Variants in TPM4 observed in about 807,000 individuals in gnomAD.
The protein encoded by TPM4 is tropomyosin alpha-4 chain.
TPM4 carries 17 observed loss-of-function variants against 35.8 expected under a neutral mutation model. The observed-to-expected ratio is 0.47, with a 90% CI of 0.32 to 0.71. The LOEUF (loss-of-function observed/expected upper bound fraction) is 0.71. Ranked by LOEUF, TPM4 falls within the 30% of genes least tolerant of loss-of-function variation. TPM4 has a pLI of 0.03. For missense variants in TPM4, 240 were observed against 320.9 expected (o/e 0.75, Z 1.93); for synonymous variants, 120 against 122.9 (o/e 0.98, Z 0.15).
intron 1 of TPM4, chr19:16,081,011 ATC>A: frequency 2.5e-6 from 1 of 398,480 alleles, no homozygotes; most frequent in Admixed American, 4.4e-5. Flanking sequence ...TTGTCCTGCC[ATC>A]TCTCAGCCAG....
At chr19:16,071,026 G>T (rs541998996) in intron 2 of TPM4, among the ~76,000 whole-genome samples, 5 of 152,286 alleles carry the variant, frequency 3.3e-5, no homozygotes, top group African/African-American at 9.6e-5. Context: ...GTTCAAAAAG[G>T]AAGAATCCTC....
intron 4 of TPM4, chr19:16,088,363 C>G: frequency 7.7e-7 from 1 of 1,295,486 alleles, no homozygotes; most frequent in South Asian, 1.6e-5. Flanking sequence ...CAGGGAAGCC[C>G]AGAAGTCCCA....
chr19:16,093,444 T>G, intron 5 of TPM4, 92 bp from the exon 6 acceptor site: 2 of 1,443,576 alleles, frequency 1.4e-6, no homozygotes, highest in Non-Finnish European at 1.9e-6. Flanking sequence ...TCCACCAGCC[T>G]CAGGCTCCCA....
At chr19:16,086,971 T>G (rs982810669) in intron 3 of TPM4, among the ~76,000 whole-genome samples, 4 of 152,102 alleles carry the variant, frequency 2.6e-5, no homozygotes, top group African/African-American at 9.7e-5. Context: ...GGCCCCAGGA[T>G]GGCTCTTTCA....
chr19:16,094,534 T>C (rs2090670200), intron 7 of TPM4, among the ~76,000 whole-genome samples: 1 of 147,760 alleles, frequency 6.8e-6, no homozygotes. Flanking sequence ...AGACTCCGTC[T>C]CAAAAAAAAA....
intron 5 of TPM4, chr19:16,093,169 T>G (rs1382214740): frequency 1.1e-5 from 2 of 177,938 alleles, no homozygotes; most frequent in African/African-American, 2.6e-5. Flanking sequence ...TTTTCTTTCT[T>G]TCTGTTTTTT....
chr19:16,068,272 CG>C (rs1213697192), intron 2 of TPM4, among the ~76,000 whole-genome samples: 1 of 151,584 alleles, frequency 6.6e-6, no homozygotes, highest in African/African-American at 2.4e-5. Flanking sequence ...CCGCCTCCTG[CG>C]TTCAGGCGAT....
intron 1 of TPM4, among the ~76,000 whole-genome samples, chr19:16,078,603 C>T (rs2090441726): frequency 6.6e-6 from 1 of 152,188 alleles, no homozygotes; most frequent in African/African-American, 2.4e-5. Flanking sequence ...CTGATCTCAT[C>T]CCAAGTCATC....
chr19:16,096,621 T>G (rs1252621917), intron 7 of TPM4, among the ~76,000 whole-genome samples: 4 of 152,164 alleles, frequency 2.6e-5, no homozygotes, highest in Non-Finnish European at 5.9e-5. Flanking sequence ...GTGGCTTTAC[T>G]CTTCACTGTT....
At chr19:16,073,865 C>T (rs1259093602), upstream of TPM4, among the ~76,000 whole-genome samples, 6 of 136,178 alleles carry the variant, frequency 4.4e-5, no homozygotes, top group African/African-American at 1.1e-4. Flanking sequence ...TCGCTTGAGC[C>T]GAGGAGGTCA....
At chr19:16,092,438 G>A (rs1200320731) in intron 5 of TPM4, among the ~76,000 whole-genome samples, 2 of 151,688 alleles carry the variant, frequency 1.3e-5, no homozygotes, top group African/African-American at 2.4e-5. Flanking sequence ...TAGGCCTTCT[G>A]ATCAATACCA....
intron 2 of TPM4, among the ~76,000 whole-genome samples, chr19:16,069,548 A>ATGTGTG: frequency 1.0e-4 from 1 of 9,804 alleles, no homozygotes; most frequent in East Asian, 3.6e-3. Flanking sequence ...TTGTGTGTGG[A>ATGTGTG]TGAGTGTGTG....
intron 2 of TPM4, 30 bp from the exon 3 acceptor site, chr19:16,086,393 C>T (rs767628492): frequency 6.9e-6 from 11 of 1,590,932 alleles, no homozygotes; most frequent in Admixed American, 6.7e-5. Flanking sequence ...TGTGAGTGAA[C>T]GGCCGTCCTG....
At chr19:16,073,959 A>AAAAAC (rs2090379055), upstream of TPM4, among the ~76,000 whole-genome samples, 1 of 120,074 alleles carries the variant, frequency 8.3e-6, no homozygotes, top group African/African-American at 3.3e-5. Flanking sequence ...AAAAAAAAAA[A>AAAAAC]ACGCAAAAAA....
At chr19:16,096,903 CTACATGAGGAA>C (rs1199307411) in intron 7 of TPM4, among the ~76,000 whole-genome samples, 4 of 136,304 alleles carry the variant, frequency 2.9e-5, no homozygotes. Flanking sequence ...ATGCTTTTTC[CTACATGAGGAA>C]TATGGAGAAA....
At chr19:16,091,326 A>G (rs2090623871) in intron 5 of TPM4, among the ~76,000 whole-genome samples, 1 of 152,138 alleles carries the variant, frequency 6.6e-6, no homozygotes, top group South Asian at 2.1e-4. Context: ...GGCTGGGATT[A>G]CAGGTGTGAG....
intron 7 of TPM4, among the ~76,000 whole-genome samples, chr19:16,094,829 C>T (rs749463676): frequency 6.6e-6 from 1 of 152,156 alleles, no homozygotes; most frequent in Non-Finnish European, 1.5e-5. Flanking sequence ...CCAAACTGCC[C>T]ATCCCACCCA....
chr19:16,091,010 C>T (rs757527723), intron 5 of TPM4, among the ~76,000 whole-genome samples: 3 of 151,868 alleles, frequency 2.0e-5, no homozygotes, highest in Non-Finnish European at 2.9e-5. Context: ...GACACTGCCC[C>T]GGGCCAGGGG....
chr19:16,086,610 C>A, intron 3 of TPM4, 70 bp downstream of exon 3: 1 of 1,339,746 alleles, frequency 7.5e-7, no homozygotes, highest in East Asian at 2.3e-5. Flanking sequence ...ATAGGGAGGA[C>A]ACCGGGGCCA....
Sources: gnomAD v4.1 joint callset for allele counts (sites outside exome capture counted in the v4.1 genomes callset) on GRCh38, gnomAD v4.1.1 for gene constraint, MANE v1.5 for transcripts, NCBI Gene and HGNC (gene_info 2026-07-23, HGNC 2026-07-21) for gene names.